Variants in GNA13 observed in about 807,000 individuals in gnomAD.
GNA13 encodes the protein G protein subunit alpha 13.
Under a neutral mutation model 33.5 loss-of-function variants are expected in GNA13, and 4 were observed. That is an observed-to-expected ratio of 0.12 (90% CI 0.06 to 0.27). The LOEUF (loss-of-function observed/expected upper bound fraction) is 0.27. Among genes scored for constraint, GNA13 ranks in the 10% least tolerant of loss-of-function variants. The pLI is 1.00. For missense variants in GNA13, 319 were observed against 487.2 expected (o/e 0.65, Z 3.25); for synonymous variants, 176 against 183.8 (o/e 0.96, Z 0.34).
Position 65,014,653 on chromosome 17 carries a change from A to C in GNA13, c.738T>G (p.Leu246=). Residue 246 remains leucine, a synonymous_variant, in exon 4 of 4, where the codon CTT becomes CTG. Coordinates refer to ENST00000439174, the MANE Select transcript of GNA13 (RefSeq NM_006572.6). The surrounding 1 kb of genome is among the most constrained non-coding windows in gnomAD (Gnocchi z 5.3). The stretch of plus-strand genomic sequence containing the variant: ...CCTGGTCAAATTCACTTGAGGAAAC[A>C]AGGAAAAGTATTGATGTCACACTGT... ...CFDSVTSILF[L]VSSSEFDQVL... 1 of 1,614,206 alleles carries C rather than the reference A, an allele frequency of 6.2e-7. No homozygotes were observed. Among genetic ancestry groups the C allele is most frequent in the Admixed American group, 1.7e-5 (1 of 60,036 alleles).
rs148637639 is a variant in GNA13 at position 65,031,921 on chromosome 17, AGTGTGTGTGTGTGTGT to A, written c.511-13634_511-13619del. On this transcript the variant is annotated intron_variant, in intron 2 of 3. Transcript: ENST00000439174. The stretch of plus-strand genomic sequence containing the variant: ...AAGAGAGAGAGAGAGAGAGAGAGAG[AGTGTGTGTGTGTGTGT>A]GTGTGTGTGTGTGTGTGTGTATAAA... 1.6e-3 allele frequency among the ~76,000 whole-genome samples: 145 copies of A among 91,708 alleles called. 1 individual carries two copies. The highest frequency in any genetic ancestry group is 6.7e-3 in the African/African-American group (138 of 20,514). 60.2% of individuals were successfully genotyped at this position (91,708 alleles called of 152,430 possible). A position where few individuals can be genotyped will look rare whatever the true frequency, so the allele number is the denominator to read the frequency against.
intron 1 of GNA13, chr17:65,055,719 G>A (rs1215183088): frequency 1.9e-5 from 19 of 985,428 alleles, no homozygotes; most frequent in Non-Finnish European, 2.3e-5. Flanking sequence ...TCGCCCAAAA[G>A]GAGGCTGTCA....
chr17:65,056,263 CCCA>C, intron 1 of GNA13, 45 bp downstream of exon 1: 1 of 1,267,172 alleles, frequency 7.9e-7, no homozygotes, highest in Non-Finnish European at 1.1e-6. Flanking sequence ...CCGCCGCCGC[CCCA>C]GCCCCCCTGC....
intron 3 of GNA13, among the ~76,000 whole-genome samples, chr17:65,017,119 C>G (rs1169346590): frequency 6.6e-6 from 1 of 152,016 alleles, no homozygotes; most frequent in African/African-American, 2.4e-5. Flanking sequence ...ATTTTAATGA[C>G]TCTGGATACT....
At chr17:65,019,188 A>AC (rs1906494961) in intron 2 of GNA13, among the ~76,000 whole-genome samples, 1 of 151,700 alleles carries the variant, frequency 6.6e-6, no homozygotes, top group African/African-American at 2.4e-5. Flanking sequence ...TCTGGGTGGG[A>AC]CCCCAGTTTC....
At chr17:65,040,815 G>A (rs548415873) in intron 2 of GNA13, among the ~76,000 whole-genome samples, 21 of 152,232 alleles carry the variant, frequency 1.4e-4, no homozygotes, top group African/African-American at 3.6e-4. Flanking sequence ...TTAAAAACCC[G>A]TTAGTTGAAT....
chr17:65,050,931 A>G (rs1182782083), intron 2 of GNA13, among the ~76,000 whole-genome samples: 1 of 152,112 alleles, frequency 6.6e-6, no homozygotes, highest in African/African-American at 2.4e-5. Context: ...CAACTGGCTC[A>G]AGTCAACAAC....
intron 2 of GNA13, among the ~76,000 whole-genome samples, chr17:65,037,521 A>C (rs749074323): frequency 3.3e-5 from 5 of 152,060 alleles, no homozygotes; most frequent in Non-Finnish European, 7.4e-5. Flanking sequence ...TTTCTTCTTG[A>C]AACACTTTCC....
chr17:65,029,648 T>C (rs966113869), intron 2 of GNA13, among the ~76,000 whole-genome samples: 1 of 152,220 alleles, frequency 6.6e-6, no homozygotes, highest in East Asian at 1.9e-4. Context: ...GGCACTTCTT[T>C]ATTTTTATAT....
chr17:65,029,137 AAATAT>A (rs1906909213), intron 2 of GNA13, among the ~76,000 whole-genome samples: 1 of 152,206 alleles, frequency 6.6e-6, no homozygotes, highest in Non-Finnish European at 1.5e-5. Context: ...AAAACAGGAG[AAATAT>A]AATAGTATCT....
At chr17:65,015,816 T>C (rs1249141949) in intron 3 of GNA13, among the ~76,000 whole-genome samples, 1 of 152,188 alleles carries the variant, frequency 6.6e-6, no homozygotes, top group Non-Finnish European at 1.5e-5. Context: ...AAAACTTCTA[T>C]GTTTTCATTG....
chr17:65,032,573 T>C (rs889004405), intron 2 of GNA13, among the ~76,000 whole-genome samples: 2 of 152,190 alleles, frequency 1.3e-5, no homozygotes, highest in Non-Finnish European at 2.9e-5. Context: ...AAATTAAGTG[T>C]GATAAAGAAT....
intron 2 of GNA13, among the ~76,000 whole-genome samples, chr17:65,052,662 T>C (rs1264245395): frequency 6.6e-6 from 1 of 152,278 alleles, no homozygotes. Context: ...TCTGTATCTT[T>C]AACCTGGATT....
chr17:65,016,630 C>G (rs1019809556), intron 3 of GNA13, among the ~76,000 whole-genome samples: 10 of 152,124 alleles, frequency 6.6e-5, no homozygotes, highest in African/African-American at 2.4e-4. Context: ...CCAATGTGCT[C>G]GGATTATAGG....
intron 2 of GNA13, among the ~76,000 whole-genome samples, chr17:65,041,731 G>C (rs900078602): frequency 2.6e-5 from 4 of 152,290 alleles, no homozygotes; most frequent in African/African-American, 9.6e-5. Flanking sequence ...TTCAGTGGGA[G>C]TGGTGAGCAC....
chr17:65,046,770 A>G (rs1907679695), intron 2 of GNA13, among the ~76,000 whole-genome samples: 1 of 152,244 alleles, frequency 6.6e-6, no homozygotes, highest in Non-Finnish European at 1.5e-5. Context: ...TTTCATAACA[A>G]AACTATTTAC....
chr17:65,014,767 T>C lies in GNA13; in HGVS notation c.624A>G (p.Glu208=). The part of the protein sequence containing the change: ...LARRPTKGIH[E]YDFEIKNVPF... ...GAACATTTTTTATTTCAAAGTCGTA[T>C]TCATGGATGCCTTTGGTGGGTCTTC... The change falls in exon 4 of 4, where the codon GAA becomes GAG. Residue 208 remains glutamate, a synonymous_variant. Transcript: ENST00000439174. The surrounding 1 kb of genome is among the most constrained non-coding windows in gnomAD (Gnocchi z 5.3). 11 of 1,613,632 alleles carry C rather than the reference T, an allele frequency of 6.8e-6. No homozygotes were observed. The highest frequency in any genetic ancestry group is 9.3e-6 in the Non-Finnish European group (11 of 1,179,502).
chr17:65,055,089 G>C (rs1907995947), intron 1 of GNA13, among the ~76,000 whole-genome samples: 1 of 151,976 alleles, frequency 6.6e-6, no homozygotes, highest in African/African-American at 2.4e-5. Context: ...GTGACATGCA[G>C]AAGTCCCTTA....
intron 2 of GNA13, among the ~76,000 whole-genome samples, chr17:65,019,549 A>C (rs1367969784): frequency 2.0e-5 from 3 of 152,100 alleles, no homozygotes; most frequent in Non-Finnish European, 4.4e-5. Flanking sequence ...TCACTATGTT[A>C]AGTGAAGTAA....
Sources: allele counts gnomAD v4.1 joint callset (sites outside exome capture counted in the v4.1 genomes callset), GRCh38; gene constraint gnomAD v4.1.1; non-coding constraint Gnocchi (gnomAD v3.1); transcripts MANE v1.5; gene names NCBI Gene and HGNC (gene_info 2026-07-23, HGNC 2026-07-21).